CTDSPL2: variants seen among roughly 807,000 people sequenced by gnomAD.
The protein encoded by CTDSPL2 is CTD small phosphatase-like protein 2.
Under a neutral mutation model 60.0 loss-of-function variants are expected in CTDSPL2, and 5 were observed. The ratio of observed to expected loss-of-function variants is 0.08; its 90% confidence interval spans 0.04 to 0.18. The LOEUF (loss-of-function observed/expected upper bound fraction) is 0.18. Among genes scored for constraint, CTDSPL2 ranks in the 10% least tolerant of loss-of-function variants. The probability of loss-of-function intolerance (pLI) is 1.00; values close to 1 mark genes in which losing one functional copy is unlikely to be tolerated. For missense variants in CTDSPL2, 370 were observed against 548.8 expected (o/e 0.67, Z 3.26); for synonymous variants, 186 against 189.3 (o/e 0.98, Z 0.14).
chr15:44,444,501 C>T (rs2141292585), intron 1 of CTDSPL2, among the ~76,000 whole-genome samples: 1 of 151,974 alleles, frequency 6.6e-6, no homozygotes, highest in East Asian at 1.9e-4. Flanking sequence ...CACATCACTA[C>T]ACCTGGCTAA....
intron 8 of CTDSPL2, among the ~76,000 whole-genome samples, chr15:44,508,252 T>G (rs1439051174): frequency 1.3e-5 from 2 of 151,764 alleles, no homozygotes; most frequent in East Asian, 3.9e-4. Flanking sequence ...CTGGCTAATT[T>G]TTGTATTTTT....
intron 1 of CTDSPL2, among the ~76,000 whole-genome samples, chr15:44,450,170 A>G (rs2080305475): frequency 6.6e-6 from 1 of 152,056 alleles, no homozygotes; most frequent in Admixed American, 6.6e-5. Context: ...TTAGATTTTT[A>G]GAAAAAAGAG....
Position 44,451,615 on chromosome 15 carries a change from A to T in CTDSPL2, c.-24-7376A>T, listed in dbSNP as rs576363622. 3.3e-5 allele frequency among the ~76,000 whole-genome samples: 5 copies of T among 152,198 alleles called. No individual in the cohort carries two copies. In the East Asian group the frequency reaches 7.7e-4, roughly 23 times the overall value. ...GTTTTTCCCCCTGAGTTTGGGTCAT[A>T]CTTTACTGTTTCTATCATGTCTTAT... On this transcript the variant is annotated intron_variant, in intron 1 of 12. Coordinates refer to ENST00000260327, the MANE Select transcript of CTDSPL2 (RefSeq NM_016396.3).
intron 2 of CTDSPL2, among the ~76,000 whole-genome samples, chr15:44,473,782 C>T (rs1451277477): frequency 6.6e-6 from 1 of 152,204 alleles, no homozygotes; most frequent in African/African-American, 2.4e-5. Flanking sequence ...ATTTCACCGT[C>T]TAACATTCCA....
intron 8 of CTDSPL2, among the ~76,000 whole-genome samples, chr15:44,508,864 G>A (rs1189170687): frequency 6.6e-6 from 1 of 152,162 alleles, no homozygotes; most frequent in African/African-American, 2.4e-5. Context: ...GTTGTAGTGA[G>A]CTGAAATCGC....
chr15:44,480,393 G>A (rs75944550), intron 2 of CTDSPL2, among the ~76,000 whole-genome samples: 1,669 of 152,214 alleles, frequency 0.011, 40 homozygotes, highest in East Asian at 0.087. Flanking sequence ...TATTGTGCCT[G>A]TTGGTTTGTT....
Position 44,448,407 on chromosome 15 carries a change from A to G in CTDSPL2, c.-24-10584A>G, listed in dbSNP as rs144150705. Reference sequence around the variant, plus strand: ...TCTTGGAACCCACACGATCCACACCATGGCCCAGGCCTGGACTCATGCATT... The same window carrying G: ...TCTTGGAACCCACACGATCCACACCGTGGCCCAGGCCTGGACTCATGCATT... On this transcript the variant is annotated intron_variant, in intron 1 of 12. Coordinates refer to ENST00000260327, the MANE Select transcript of CTDSPL2 (RefSeq NM_016396.3). 2.3e-3 allele frequency: 582 copies of G among 250,638 alleles called. 2 individuals are homozygous for G. The highest frequency in any genetic ancestry group is 1.0e-3 in the Non-Finnish European group (127 of 125,084). The allele number at this position is 250,638 out of a possible 1,614,324, so 15.5% of individuals were successfully genotyped here. A position where few individuals can be genotyped will look rare whatever the true frequency, so the allele number is the denominator to read the frequency against.
intron 1 of CTDSPL2, among the ~76,000 whole-genome samples, chr15:44,457,791 T>A (rs1371309717): frequency 1.3e-5 from 2 of 152,206 alleles, no homozygotes; most frequent in African/African-American, 2.4e-5. Context: ...TTTGTATTTT[T>A]AGTAGAGACA....
chr15:44,455,952 G>A lies in CTDSPL2; in HGVS notation c.-24-3039G>A, dbSNP rs560943387. The stretch of plus-strand genomic sequence containing the variant: ...GCAGGCTCCGCCCCCTGGGGTTCAC[G>A]CCATTCTCCTGCCTCAGCCTCCCGA... On this transcript the variant is annotated intron_variant, in intron 1 of 12. Transcript: ENST00000260327. Among the ~76,000 whole-genome samples, 27 of 135,502 alleles carry A rather than the reference G, an allele frequency of 2.0e-4. 1 individual carries two copies. In the East Asian group the frequency reaches 6.6e-3, roughly 33 times the overall value. 88.9% of individuals were successfully genotyped at this position (135,502 alleles called of 152,430 possible).
intron 8 of CTDSPL2, among the ~76,000 whole-genome samples, chr15:44,506,770 A>G (rs1325829799): frequency 6.7e-6 from 1 of 149,932 alleles, no homozygotes; most frequent in Non-Finnish European, 1.5e-5. Context: ...AAGGTTTTGC[A>G]GGAACTTTTT....
chr15:44,476,823 T>C (rs916227061), intron 2 of CTDSPL2, among the ~76,000 whole-genome samples: 1 of 152,248 alleles, frequency 6.6e-6, no homozygotes, highest in Non-Finnish European at 1.5e-5. Context: ...TGCATTACTT[T>C]ATATAGAAAA....
At chr15:44,504,204 G>T (rs2081421608) in intron 8 of CTDSPL2, among the ~76,000 whole-genome samples, 1 of 152,088 alleles carries the variant, frequency 6.6e-6, no homozygotes, top group Admixed American at 6.6e-5. Context: ...AAAAAAATTA[G>T]CCGGGCGTGG....
At chr15:44,501,225 G>T (rs114355322) in intron 8 of CTDSPL2, among the ~76,000 whole-genome samples, 8 of 152,044 alleles carry the variant, frequency 5.3e-5, no homozygotes, top group African/African-American at 1.9e-4. Flanking sequence ...TGGCTTTAAG[G>T]CTTTGAATTT....
At chr15:44,486,359 C>T (rs2081118462) in intron 3 of CTDSPL2, among the ~76,000 whole-genome samples, 192 bp from the exon 4 acceptor site, 1 of 152,118 alleles carries the variant, frequency 6.6e-6, no homozygotes, top group South Asian at 2.1e-4. Flanking sequence ...CACATTGATA[C>T]ATAAAGAGCA....
At chr15:44,473,506 A>G (rs1034100022) in intron 2 of CTDSPL2, among the ~76,000 whole-genome samples, 10 of 150,420 alleles carry the variant, frequency 6.6e-5, no homozygotes, top group Non-Finnish European at 1.3e-4. Flanking sequence ...CGTGTTAGTC[A>G]GAATGGTCTC....
At chr15:44,464,767 C>T (rs990451308) in intron 2 of CTDSPL2, among the ~76,000 whole-genome samples, 3 of 152,104 alleles carry the variant, frequency 2.0e-5, no homozygotes, top group Admixed American at 6.6e-5. Flanking sequence ...AATGCAGTGG[C>T]GCTGTCTCAG....
At chr15:44,471,587 T>C (rs979191365) in intron 2 of CTDSPL2, among the ~76,000 whole-genome samples, 22 of 152,166 alleles carry the variant, frequency 1.4e-4, no homozygotes, top group African/African-American at 5.3e-4. Context: ...CTTAGAAAAC[T>C]TTAAATATGT....
At chr15:44,488,472 T>G (rs1330612179) in intron 4 of CTDSPL2, among the ~76,000 whole-genome samples, 1 of 151,988 alleles carries the variant, frequency 6.6e-6, no homozygotes, top group African/African-American at 2.4e-5. Context: ...GATAATTGAG[T>G]GTAATTTGGA....
intron 8 of CTDSPL2, 50 bp downstream of exon 8, chr15:44,499,863 TAAAA>T (rs755242893): frequency 4.9e-6 from 5 of 1,027,698 alleles, no homozygotes; most frequent in Non-Finnish European, 7.5e-6. Flanking sequence ...AACATTCTGA[TAAAA>T]AAAACTTTTG....
Sources: gnomAD v4.1 joint callset for allele counts (sites outside exome capture counted in the v4.1 genomes callset) on GRCh38, gnomAD v4.1.1 for gene constraint, MANE v1.5 for transcripts, NCBI Gene and HGNC (gene_info 2026-07-23, HGNC 2026-07-21) for gene names.